Variants in KICS2 observed in about 807,000 individuals in gnomAD.
KICS2 encodes the protein KICSTOR subunit 2.
KICS2 carries 13 observed loss-of-function variants against 31.4 expected under a neutral mutation model. The ratio of observed to expected loss-of-function variants is 0.41; its 90% confidence interval spans 0.27 to 0.66. The LOEUF is 0.66. Ranked by LOEUF, KICS2 falls within the 30% of genes least tolerant of loss-of-function variation. The pLI is 0.28. For synonymous variants in KICS2, 209 were observed against 214.8 expected (o/e 0.97, Z 0.24); for missense variants, 455 against 545.4 (o/e 0.83, Z 1.65).
chr12:64,219,026 T>C (rs932925462), intron 1 of KICS2, among the ~76,000 whole-genome samples: 9 of 152,340 alleles, frequency 5.9e-5, no homozygotes, highest in African/African-American at 2.2e-4. Context: ...CTCTTTTCAA[T>C]ATTTTTAATT....
rs1317846296 is a variant in KICS2, at chr12:64,193,380, T to C, written c.*462A>G. 1 of 986,104 alleles carries C rather than the reference T, an allele frequency of 1.0e-6. No individual in the cohort carries two copies. The allele number at this position is 986,104 out of a possible 1,614,324, so 61.1% of individuals were successfully genotyped here. ...CATAAATCTACTAACTCCATATTCA[T>C]TTGCTAATTTATGAGACAGAAAACA... On this transcript the variant is annotated 3_prime_UTR_variant, in exon 3 of 3. Coordinates refer to ENST00000398055, the MANE Select transcript of KICS2 (RefSeq NM_152440.5).
downstream of KICS2, chr12:64,186,355 T>C (rs2037339389): frequency 6.6e-6 from 1 of 152,156 alleles, no homozygotes; most frequent in Non-Finnish European, 1.5e-5. Context: ...AATAAGACTG[T>C]TAAGCAAAAA....
In KICS2 at chr12:64,194,604, G is replaced by A. The variant is rs767052371; in HGVS notation, c.576C>T (p.Asp192=). The A allele has an allele frequency of 7.4e-5, 119 of 1,613,998 alleles. No homozygotes were observed. Among genetic ancestry groups the A allele is most frequent in the East Asian group, 2.2e-4 (10 of 44,896 alleles). The change falls in exon 3 of 3, where the codon GAC becomes GAT. Residue 192 remains aspartate (D), a synonymous_variant. Transcript: ENST00000398055. ...PLESSFQLEV[D]VLCHLLKAQA... ...GGGCTTTCAGGAGATGACACAGGAC[G>A]TCAACTTCCAGCTGGAAACTGCTTT...
chr12:64,215,585 A>T, intron 2 of KICS2, 93 bp downstream of exon 2: 1 of 1,110,916 alleles, frequency 9.0e-7, no homozygotes, highest in Non-Finnish European at 1.3e-6. Flanking sequence ...TTATTTCATC[A>T]CAGATTTTCA....
downstream of KICS2, chr12:64,187,763 T>C (rs2037349412): frequency 1.2e-6 from 1 of 812,234 alleles, no homozygotes; most frequent in Non-Finnish European, 1.9e-6. Flanking sequence ...AAAAATCTAG[T>C]TTTCTTACAT....
rs146935850 is a variant in KICS2, at chr12:64,195,431, T to C, written c.522-773A>G. On this transcript the variant is annotated intron_variant, in intron 2 of 2. Coordinates refer to ENST00000398055, the MANE Select transcript of KICS2 (RefSeq NM_152440.5). ...ATGCTATGAGGTATTAAGCCTATCTTGCAGATGACAGTACCTACTATAAGC... is the reference window on the plus strand; with the variant it reads ...ATGCTATGAGGTATTAAGCCTATCTCGCAGATGACAGTACCTACTATAAGC... 2.0e-5 allele frequency among the ~76,000 whole-genome samples: 3 copies of C among 152,322 alleles called. No individual in the cohort carries two copies. The East Asian group carries it at 5.8e-4, about 29-fold the overall frequency.
At chr12:64,212,403 G>A (rs765205421) in intron 2 of KICS2, among the ~76,000 whole-genome samples, 14 of 152,034 alleles carry the variant, frequency 9.2e-5, no homozygotes, top group Non-Finnish European at 1.9e-4. Context: ...TGGGTATTTC[G>A]CATAATGGAA....
intron 2 of KICS2, among the ~76,000 whole-genome samples, chr12:64,214,499 C>T (rs935007285): frequency 6.6e-6 from 1 of 152,146 alleles, no homozygotes; most frequent in Non-Finnish European, 1.5e-5. Flanking sequence ...AACCCTGAAG[C>T]CTTTTTGTAT....
rs192578611 is a variant in KICS2, at chr12:64,192,473, C to T, written c.*1369G>A. Reference sequence around the variant, plus strand: ...AGTCCACCCTAGGTGGGCAGGCTTCCTACATGGACTCTGAGGGGCTCTCTG... The same window carrying T: ...AGTCCACCCTAGGTGGGCAGGCTTCTTACATGGACTCTGAGGGGCTCTCTG... On this transcript the variant is annotated 3_prime_UTR_variant, in exon 3 of 3. Transcript: ENST00000398055. The T allele has an allele frequency of 3.2e-3, 1,398 of 436,456 alleles. 21 individuals carry two copies. The highest frequency in any genetic ancestry group is 0.026 in the African/African-American group (1,227 of 46,624). The allele number at this position is 436,456 out of a possible 1,614,324, so 27.0% of individuals were successfully genotyped here.
intron 1 of KICS2, among the ~76,000 whole-genome samples, chr12:64,221,217 AAG>A (rs1412593162): frequency 6.6e-6 from 1 of 152,182 alleles, no homozygotes; most frequent in Non-Finnish European, 1.5e-5. Flanking sequence ...CTGAAAATTG[AAG>A]AGTCTAAAAC....
At chr12:64,207,770 T>A (rs1229694478) in intron 2 of KICS2, among the ~76,000 whole-genome samples, 1 of 152,142 alleles carries the variant, frequency 6.6e-6, no homozygotes, top group Admixed American at 6.5e-5. Context: ...CCAATCCTAG[T>A]AGGCCTGCAA....
intron 2 of KICS2, among the ~76,000 whole-genome samples, chr12:64,212,744 T>C (rs1393014842): frequency 6.6e-6 from 1 of 152,204 alleles, no homozygotes. Flanking sequence ...CATTATACTA[T>C]ATTTGCAATT....
At chr12:64,187,538 C>A, downstream of KICS2, 1 of 1,188,918 alleles carries the variant, frequency 8.4e-7, no homozygotes, top group South Asian at 1.3e-5. Context: ...CAAGAGAAGT[C>A]TCCAAAGGCA....
chr12:64,193,821 C>T lies in KICS2; in HGVS notation c.*21G>A. On this transcript the variant is annotated 3_prime_UTR_variant, in exon 3 of 3. Coordinates refer to ENST00000398055, the MANE Select transcript of KICS2 (RefSeq NM_152440.5). ...TTAAGAACAGTTTCTAGTCTTGAAA[C>T]CCCTCCACGCAAATCACCTGCTAAC... The T allele has an allele frequency of 6.3e-7, 1 of 1,595,380 alleles. No individual in the cohort carries two copies. Among genetic ancestry groups the T allele is most frequent in the African/African-American group, 1.3e-5 (1 of 74,400 alleles).
chr12:64,221,107 A>G (rs2037677737), intron 1 of KICS2, among the ~76,000 whole-genome samples: 1 of 98,798 alleles, frequency 1.0e-5, no homozygotes, highest in African/African-American at 3.5e-5. Flanking sequence ...CTGGTTAGGG[A>G]ACGGGGGGGG....
chr12:64,196,677 A>G (rs2037442721), intron 2 of KICS2, among the ~76,000 whole-genome samples: 1 of 145,682 alleles, frequency 6.9e-6, no homozygotes, highest in African/African-American at 2.6e-5. Flanking sequence ...ATTCAAACCA[A>G]AGGCAAAGAA....
In KICS2 at chr12:64,194,183, G is replaced by A; in HGVS notation, c.997C>T (p.Pro333Ser). The change falls in exon 3 of 3, where the codon CCC (proline) becomes TCC (serine). Residue 333 changes from proline to serine, a missense_variant. Pro to Ser is a moderately conservative substitution (Grantham distance 74). Coordinates refer to ENST00000398055, the MANE Select transcript of KICS2 (RefSeq NM_152440.5). ...ESFQGHGYHHPHSYREAPKGV... is the reference protein window; with the variant it reads ...ESFQGHGYHHSHSYREAPKGV... ...TTGGGGGCCTCTCTGTAGGAATGGG[G>A]GTGGTGATAACCATGACCCTGAAAA... 6.2e-7 allele frequency: 1 copy of A among 1,614,120 alleles called. No homozygotes were observed. The highest frequency in any genetic ancestry group is 8.5e-7 in the Non-Finnish European group (1 of 1,180,030).
chr12:64,195,991 G>A (rs1272558824), intron 2 of KICS2, among the ~76,000 whole-genome samples: 2 of 152,246 alleles, frequency 1.3e-5, no homozygotes, highest in East Asian at 3.8e-4. Flanking sequence ...AGCAGTCTGA[G>A]ATCAAACTGC....
intron 2 of KICS2, among the ~76,000 whole-genome samples, chr12:64,202,612 A>T (rs2136695266): frequency 1.3e-5 from 2 of 148,784 alleles, no homozygotes; most frequent in South Asian, 4.2e-4. Context: ...TCTAATATAT[A>T]TAGATATTTT....
Sources: gnomAD v4.1 joint callset for allele counts (sites outside exome capture counted in the v4.1 genomes callset) on GRCh38, gnomAD v4.1.1 for gene constraint, MANE v1.5 for transcripts, NCBI Gene and HGNC (gene_info 2026-07-23, HGNC 2026-07-21) for gene names.